The following MAP3K4 variants were observed in gnomAD, a reference collection of about 807,000 sequenced individuals.
MAP3K4 encodes mitogen-activated protein kinase kinase kinase 4, also known as MAP three kinase 1.
MAP3K4 carries 67 observed loss-of-function variants against 185.6 expected under a neutral mutation model. That is an observed-to-expected ratio of 0.36 (90% CI 0.30 to 0.44). The LOEUF is 0.44. Among genes scored for constraint, MAP3K4 ranks in the 20% least tolerant of loss-of-function variants. The pLI, the probability that MAP3K4 is intolerant of heterozygous loss-of-function variation, is 1.00. For synonymous variants in MAP3K4, 702 were observed against 710.4 expected (o/e 0.99, Z 0.19); for missense variants, 1,551 against 1,995.1 (o/e 0.78, Z 4.24).
Position 161,076,515 on chromosome 6 carries a change from A to G in MAP3K4, c.2097+2903A>G, listed in dbSNP as rs1448901741. ...AAGTAACTTGGTGAGCATTTGGAAC[A>G]TCAAATCTAAATCAAAGCTGTGAAT... On this transcript the variant is annotated intron_variant, in intron 5 of 26. Transcript: ENST00000392142. This position sits in a 1 kb window ranked among gnomAD's most constrained non-coding sequence, Gnocchi z 4.2. Among the ~76,000 whole-genome samples the G allele has an allele frequency of 6.6e-6, 1 of 152,252 alleles. No homozygotes were observed. Among genetic ancestry groups the G allele is most frequent in the Non-Finnish European group, 1.5e-5 (1 of 68,042 alleles).
Position 161,117,096 on chromosome 6 carries a change from C to T in MAP3K4, c.*226C>T, listed in dbSNP as rs1377378236. ...GTTAAAGAAGCTGCATGTTAAGTGC[C>T]ATTACTACTGTACACGGACCATCGC... is the stretch of plus-strand genomic sequence containing the variant. On this transcript the variant is annotated 3_prime_UTR_variant, in exon 27 of 27. Coordinates refer to ENST00000392142, the MANE Select transcript of MAP3K4 (RefSeq NM_005922.4). 1 of 586,276 alleles carries T rather than the reference C, an allele frequency of 1.7e-6. No homozygotes were observed. The allele number at this position is 586,276 out of a possible 1,614,324, so 36.3% of individuals were successfully genotyped here. A position where few individuals can be genotyped will look rare whatever the true frequency, so the allele number is the denominator to read the frequency against.
In MAP3K4 at chr6:161,043,030, A is replaced by G. The variant is rs1271767907; in HGVS notation, c.344-5586A>G. ...TGTGTGTAAATGTGTGTATCTGCTA[A>G]CAGTAGTGAAATTAGAATGTTTGCT... On this transcript the variant is annotated intron_variant, in intron 2 of 26. Coordinates refer to ENST00000392142, the MANE Select transcript of MAP3K4 (RefSeq NM_005922.4). This position sits in a 1 kb window ranked among gnomAD's most constrained non-coding sequence, Gnocchi z 4.3. 6.6e-6 allele frequency among the ~76,000 whole-genome samples: 1 copy of G among 152,156 alleles called. No homozygotes were observed. Among genetic ancestry groups the G allele is most frequent in the Non-Finnish European group, 1.5e-5 (1 of 68,026 alleles).
In MAP3K4 at chr6:161,082,785, C is replaced by T. The variant is rs879349575; in HGVS notation, c.2256-1716C>T. Among the ~76,000 whole-genome samples the T allele has an allele frequency of 6.6e-6, 1 of 152,152 alleles. No individual in the cohort carries two copies. Among genetic ancestry groups the T allele is most frequent in the East Asian group, 1.9e-4 (1 of 5,182 alleles). Reference sequence around the variant, plus strand: ...ACTCTTCCCAGGTTGTCATTTCTCACGTATGTTATTGCAGTAGCTCTCTAA... The same window carrying T: ...ACTCTTCCCAGGTTGTCATTTCTCATGTATGTTATTGCAGTAGCTCTCTAA... On this transcript the variant is annotated intron_variant, in intron 6 of 26. Coordinates refer to ENST00000392142, the MANE Select transcript of MAP3K4 (RefSeq NM_005922.4). This position sits in a 1 kb window ranked among gnomAD's most constrained non-coding sequence, Gnocchi z 4.2.
chr6:161,045,653 A>G (rs984452520), intron 2 of MAP3K4, among the ~76,000 whole-genome samples: 3 of 152,164 alleles, frequency 2.0e-5, no homozygotes, highest in Non-Finnish European at 4.4e-5. Context: ...GGACCTTTCA[A>G]TCATAGATTA....
Position 161,034,674 on chromosome 6 carries a change from G to A in MAP3K4, c.343+225G>A, listed in dbSNP as rs570564358. ...GTAATGGTTAAAGCCAGCAATGCAC[G>A]GGCATTTGAAGAAGTGAAAGAGGGC... is the stretch of plus-strand genomic sequence containing the variant. On this transcript the variant is annotated intron_variant, in intron 2 of 26. Transcript: ENST00000392142. The surrounding 1 kb of genome is among the most constrained non-coding windows in gnomAD (Gnocchi z 4.4). Among the ~76,000 whole-genome samples, 6 of 152,164 alleles carry A rather than the reference G, an allele frequency of 3.9e-5. No homozygotes were observed. The highest frequency in any genetic ancestry group is 8.8e-5 in the Non-Finnish European group (6 of 67,996).
intron 1 of MAP3K4, among the ~76,000 whole-genome samples, chr6:161,027,556 A>G (rs1338139102): frequency 6.6e-6 from 1 of 152,214 alleles, no homozygotes; most frequent in Non-Finnish European, 1.5e-5. Flanking sequence ...TTTTAGAGAA[A>G]TAGAGTGGAG....
intron 1 of MAP3K4, among the ~76,000 whole-genome samples, chr6:160,994,913 C>T (rs1646275119): frequency 6.6e-6 from 1 of 152,140 alleles, no homozygotes; most frequent in African/African-American, 2.4e-5. Context: ...GTTGGTCAGG[C>T]TTGTCTTGAA....
At position 161,096,967 on chromosome 6, in the gene MAP3K4, C is replaced by A. The variant is rs967440654; in HGVS notation, c.3428-113C>A. On this transcript the variant is annotated intron_variant, in intron 15 of 26. Coordinates refer to ENST00000392142, the MANE Select transcript of MAP3K4 (RefSeq NM_005922.4). The surrounding 1 kb of genome is among the most constrained non-coding windows in gnomAD (Gnocchi z 4.9). ...TTTTTTACTTATATAAATGGACTTA[C>A]CTTGGTCATTGGCCAGAATAAGTGA... is the stretch of plus-strand genomic sequence containing the variant. The A allele has an allele frequency of 4.1e-6, 3 of 738,330 alleles. No individual in the cohort carries two copies. The highest frequency in any genetic ancestry group is 7.1e-6 in the Non-Finnish European group (3 of 420,506). 45.7% of individuals were successfully genotyped at this position (738,330 alleles called of 1,614,324 possible).
In MAP3K4 at chr6:161,101,295, T is replaced by G. The variant is rs1777829204; in HGVS notation, c.3675-597T>G. On this transcript the variant is annotated intron_variant, in intron 17 of 26. Coordinates refer to ENST00000392142, the MANE Select transcript of MAP3K4 (RefSeq NM_005922.4). The surrounding 1 kb of genome is among the most constrained non-coding windows in gnomAD (Gnocchi z 5.1). ...TTTTGCACTTTTGCTTGGCTACTGC[T>G]TGAGAAACCTTTAGGTATTCCCTTC... 1 of 152,210 alleles carries G rather than the reference T, an allele frequency of 6.6e-6. No individual in the cohort carries two copies. The highest frequency in any genetic ancestry group is 6.5e-5 in the Admixed American group (1 of 15,286). The allele number at this position is 152,210 out of a possible 1,614,324, so 9.4% of individuals were successfully genotyped here. A position where few individuals can be genotyped will look rare whatever the true frequency, so the allele number is the denominator to read the frequency against.
chr6:161,008,627 G>A lies in MAP3K4; in HGVS notation c.152+16544G>A, dbSNP rs1407387960. Among the ~76,000 whole-genome samples the A allele has an allele frequency of 1.3e-5, 2 of 152,130 alleles. No homozygotes were observed. The highest frequency in any genetic ancestry group is 1.3e-4 in the Admixed American group (2 of 15,274). On this transcript the variant is annotated intron_variant, in intron 1 of 26. Coordinates refer to ENST00000392142, the MANE Select transcript of MAP3K4 (RefSeq NM_005922.4). The surrounding 1 kb of genome is among the most constrained non-coding windows in gnomAD (Gnocchi z 4.1). The stretch of plus-strand genomic sequence containing the variant: ...TATAATTTAACAAAGACATACTTGT[G>A]TATATTACATGTGTAGCTTGATAAA...
intron 5 of MAP3K4, among the ~76,000 whole-genome samples, chr6:161,078,793 C>T (rs1445558311): frequency 2.6e-5 from 4 of 152,032 alleles, no homozygotes; most frequent in African/African-American, 4.8e-5. Flanking sequence ...AGATGAAGGC[C>T]GATTAGAAGT....
chr6:161,052,919 G>A (rs540243439), intron 3 of MAP3K4, among the ~76,000 whole-genome samples: 2 of 152,164 alleles, frequency 1.3e-5, no homozygotes, highest in East Asian at 1.9e-4. Flanking sequence ...TTTCTGACTC[G>A]AAGCCTTTGC....
intron 17 of MAP3K4, among the ~76,000 whole-genome samples, chr6:161,099,008 T>C (rs967621216): frequency 1.3e-5 from 2 of 152,208 alleles, no homozygotes; most frequent in Non-Finnish European, 2.9e-5. Flanking sequence ...TTGTCTTTTG[T>C]GTAAGTAAGG....
At chr6:161,010,002 A>G (rs1429268917) in intron 1 of MAP3K4, among the ~76,000 whole-genome samples, 4 of 152,168 alleles carry the variant, frequency 2.6e-5, no homozygotes, top group African/African-American at 7.2e-5. Context: ...CGTCCTGCAC[A>G]TGTACCCTGG....
Position 161,086,802 on chromosome 6 carries a change from A to G in MAP3K4, c.2556+135A>G. The G allele has an allele frequency of 1.6e-6, 1 of 634,978 alleles. No individual in the cohort carries two copies. Among genetic ancestry groups the G allele is most frequent in the South Asian group, 2.1e-5 (1 of 47,870 alleles). 39.3% of individuals were successfully genotyped at this position (634,978 alleles called of 1,614,324 possible). A position where few individuals can be genotyped will look rare whatever the true frequency, so the allele number is the denominator to read the frequency against. The stretch of plus-strand genomic sequence containing the variant: ...GCTGTACCACAACCCCAGTTGTAAG[A>G]CTGTCCTGTAATTCACCAGTGGAAT... On this transcript the variant is annotated intron_variant, in intron 9 of 26. Transcript: ENST00000392142. This position sits in a 1 kb window ranked among gnomAD's most constrained non-coding sequence, Gnocchi z 4.8.
At chr6:160,992,117 A>G in intron 1 of MAP3K4, 34 bp downstream of exon 1, 2 of 1,519,244 alleles carry the variant, frequency 1.3e-6, no homozygotes, top group Non-Finnish European at 1.8e-6. Flanking sequence ...TCGCTCGCAG[A>G]AAGCGGGGCG....
rs1778513400 is a variant in MAP3K4, at chr6:161,114,679, C to G, written c.4627-444C>G. Among the ~76,000 whole-genome samples the G allele has an allele frequency of 6.6e-6, 1 of 152,180 alleles. No homozygotes were observed. Among genetic ancestry groups the G allele is most frequent in the African/African-American group, 2.4e-5 (1 of 41,446 alleles). On this transcript the variant is annotated intron_variant, in intron 25 of 26. Transcript: ENST00000392142. This position sits in a 1 kb window ranked among gnomAD's most constrained non-coding sequence, Gnocchi z 4.3. ...TAGGATCATAATGAAATAAGCTTTG[C>G]ACTAATGCAATTTTTATTTTTCAAT...
chr6:161,068,870 C>T (rs548831700), intron 3 of MAP3K4, among the ~76,000 whole-genome samples: 166 of 152,272 alleles, frequency 1.1e-3, no homozygotes, highest in African/African-American at 3.7e-3. Flanking sequence ...AGATAATAGC[C>T]GTAAAAATTA....
rs761206150 is a variant in MAP3K4 at position 161,053,450 on chromosome 6, G to T, written c.1707+3471G>T. ...GAAGTTTTATTACTTTTTCTTCCTTGAAGCTAACTGTAAATCCATATGGGT... is the reference window on the plus strand; with the variant it reads ...GAAGTTTTATTACTTTTTCTTCCTTTAAGCTAACTGTAAATCCATATGGGT... On this transcript the variant is annotated intron_variant, in intron 3 of 26. Transcript: ENST00000392142. This position sits in a 1 kb window ranked among gnomAD's most constrained non-coding sequence, Gnocchi z 4.2. 1.4e-4 allele frequency among the ~76,000 whole-genome samples: 22 copies of T among 152,116 alleles called. No individual in the cohort carries two copies. The highest frequency in any genetic ancestry group is 3.3e-4 in the Admixed American group (5 of 15,270).
Sources: allele counts gnomAD v4.1 joint callset (sites outside exome capture counted in the v4.1 genomes callset), GRCh38; gene constraint gnomAD v4.1.1; non-coding constraint Gnocchi (gnomAD v3.1); transcripts MANE v1.5; gene names NCBI Gene and HGNC (gene_info 2026-07-23, HGNC 2026-07-21).